The following ADGRL3 variants were observed in gnomAD, a reference collection of about 807,000 sequenced individuals.
ADGRL3 encodes adhesion G protein-coupled receptor L3, also known as calcium-independent alpha-latrotoxin receptor 3.
In ADGRL3, 62 loss-of-function variants were observed where a neutral mutation model predicts 153.5. The ratio of observed to expected loss-of-function variants is 0.40; its 90% CI spans 0.33 to 0.50. ADGRL3 has a LOEUF of 0.50. Among genes scored for constraint, ADGRL3 ranks in the 20% least tolerant of loss-of-function variants. The probability of loss-of-function intolerance (pLI) is 0.47; values close to 1 mark genes in which losing one functional copy is unlikely to be tolerated. For missense variants in ADGRL3, 1,641 were observed against 1,859.4 expected (o/e 0.88, Z 2.16); for synonymous variants, 710 against 672.5 (o/e 1.06, Z -0.86).
chr4:61,593,923 T>A (rs1231882040), intron 5 of ADGRL3, among the ~76,000 whole-genome samples: 1 of 152,136 alleles, frequency 6.6e-6, no homozygotes, highest in East Asian at 1.9e-4. Context: ...TCCCTCCTCT[T>A]TAAAGACAAT....
chr4:62,051,211 A>G (rs561080092), intron 25 of ADGRL3, among the ~76,000 whole-genome samples: 2 of 149,782 alleles, frequency 1.3e-5, no homozygotes, highest in African/African-American at 4.9e-5. Context: ...CAAAGGATAT[A>G]TATGTACATG....
chr4:61,895,624 A>C, intron 10 of ADGRL3, 107 bp from the exon 11 acceptor site: 2 of 604,610 alleles, frequency 3.3e-6, no homozygotes, highest in Non-Finnish European at 5.8e-6. Flanking sequence ...AATAAACATT[A>C]TATCAATTTA....
intron 3 of ADGRL3, among the ~76,000 whole-genome samples, chr4:61,504,039 C>T (rs1285186862): frequency 6.6e-6 from 1 of 152,140 alleles, no homozygotes; most frequent in Non-Finnish European, 1.5e-5. Context: ...GTCACCCAGG[C>T]TGTAGTGCAG....
chr4:61,926,607 C>T (rs1349647329), intron 13 of ADGRL3, among the ~76,000 whole-genome samples: 1 of 152,144 alleles, frequency 6.6e-6, no homozygotes, highest in African/African-American at 2.4e-5. Context: ...AATATTCTCA[C>T]TGTAAGATGA....
chr4:61,553,263 C>T (rs546756787), intron 4 of ADGRL3, among the ~76,000 whole-genome samples: 1 of 151,930 alleles, frequency 6.6e-6, no homozygotes, highest in Admixed American at 6.6e-5. Flanking sequence ...ATTCCACAGG[C>T]AAAAAGAGCA....
intron 9 of ADGRL3, among the ~76,000 whole-genome samples, chr4:61,865,970 T>C (rs1165266324): frequency 6.6e-6 from 1 of 152,216 alleles, no homozygotes; most frequent in Non-Finnish European, 1.5e-5. Context: ...TTGAGGAAAG[T>C]TTGACAGTGA....
At chr4:61,436,374 T>G (rs1026268454) in intron 2 of ADGRL3, among the ~76,000 whole-genome samples, 5 of 152,144 alleles carry the variant, frequency 3.3e-5, no homozygotes, top group African/African-American at 1.2e-4. Context: ...ATATGAAAAA[T>G]ATACATTTAT....
chr4:61,779,985 A>G (rs1561238162), intron 8 of ADGRL3, among the ~76,000 whole-genome samples: 3 of 152,148 alleles, frequency 2.0e-5, no homozygotes, highest in Admixed American at 1.3e-4. Context: ...CTGGGTCAGT[A>G]TATTTTTTAT....
intron 2 of ADGRL3, among the ~76,000 whole-genome samples, chr4:61,396,312 G>A (rs1432562622): frequency 6.6e-6 from 1 of 151,698 alleles, no homozygotes; most frequent in Non-Finnish European, 1.5e-5. Flanking sequence ...AAGTTATAAT[G>A]TTGGCCCATT....
intron 1 of ADGRL3, among the ~76,000 whole-genome samples, chr4:61,230,600 G>GTTC (rs1750190013): frequency 6.6e-6 from 1 of 152,064 alleles, no homozygotes; most frequent in Admixed American, 6.6e-5. Context: ...TGCCCAGGCT[G>GTTC]TTCTTGAACT....
At chr4:61,945,909 G>A (rs947797160) in intron 15 of ADGRL3, among the ~76,000 whole-genome samples, 3 of 152,164 alleles carry the variant, frequency 2.0e-5, no homozygotes, top group African/African-American at 4.8e-5. Context: ...CGTCGCTCAC[G>A]CTGGGAGCTG....
At chr4:61,405,045 T>TC (rs1477666830) in intron 2 of ADGRL3, among the ~76,000 whole-genome samples, 2 of 152,034 alleles carry the variant, frequency 1.3e-5, no homozygotes, top group African/African-American at 2.4e-5. Flanking sequence ...TCAACCCCAT[T>TC]CCCAGACTTG....
chr4:61,612,229 G>A (rs1226657445), intron 5 of ADGRL3, among the ~76,000 whole-genome samples: 1 of 152,044 alleles, frequency 6.6e-6, no homozygotes, highest in Non-Finnish European at 1.5e-5. Context: ...ACAATTCTTG[G>A]CATGATTTTG....
chr4:61,754,862 A>G (rs2096802730), intron 8 of ADGRL3, among the ~76,000 whole-genome samples: 1 of 151,982 alleles, frequency 6.6e-6, no homozygotes. Flanking sequence ...GAGTGAGAAT[A>G]TGCGGTGTTT....
chr4:61,871,050 G>T lies in ADGRL3; in HGVS notation c.1481-21606G>T, dbSNP rs189924348. Among the ~76,000 whole-genome samples the T allele has an allele frequency of 3.0e-3, 459 of 152,210 alleles. 2 individuals are homozygous for T. Among genetic ancestry groups the T allele is most frequent in the African/African-American group, 0.011 (442 of 41,506 alleles). ...TCCCAGCTCTTTGGGAGGCCAAGGC[G>T]GGCGAATCACGAGGTCAGGAGATCG... On this transcript the variant is annotated intron_variant, in intron 9 of 26. Transcript: ENST00000683033.
intron 1 of ADGRL3, among the ~76,000 whole-genome samples, chr4:61,367,715 T>C (rs2151624830): frequency 7.1e-6 from 1 of 141,278 alleles, no homozygotes; most frequent in South Asian, 2.4e-4. Flanking sequence ...CATGTGTCTT[T>C]ATAGCAGCAT....
chr4:61,947,158 T>C, intron 16 of ADGRL3, 36 bp downstream of exon 16: 1 of 1,506,584 alleles, frequency 6.6e-7, no homozygotes, highest in Non-Finnish European at 9.2e-7. Context: ...TTGTTCATAT[T>C]ATCTGTATTT....
chr4:61,471,646 G>A (rs1054581620), intron 2 of ADGRL3, among the ~76,000 whole-genome samples: 1 of 151,888 alleles, frequency 6.6e-6, no homozygotes, highest in Non-Finnish European at 1.5e-5. Flanking sequence ...AGATCTGAAA[G>A]TTGATTATCT....
At chr4:61,556,511 A>G (rs560958893) in intron 4 of ADGRL3, among the ~76,000 whole-genome samples, 72 of 152,250 alleles carry the variant, frequency 4.7e-4, no homozygotes, top group South Asian at 2.7e-3. Context: ...GGCTTTGAAC[A>G]TAGCAGAAAC....
Sources: gnomAD v4.1 joint callset for allele counts (sites outside exome capture counted in the v4.1 genomes callset) on GRCh38, gnomAD v4.1.1 for gene constraint, MANE v1.5 for transcripts, NCBI Gene and HGNC (gene_info 2026-07-23, HGNC 2026-07-21) for gene names.